The following UNC5D variants were observed in gnomAD, a reference collection of about 807,000 sequenced individuals.
The protein encoded by UNC5D is unc-5 netrin receptor D, also known as netrin receptor UNC5D.
A neutral mutation model predicts 105.4 loss-of-function variants in UNC5D; 39 were observed. The observed-to-expected ratio is 0.37, with a 90% CI of 0.29 to 0.48. The LOEUF (loss-of-function observed/expected upper bound fraction) is 0.48, where lower values mean the gene tolerates loss of function less well. UNC5D is among the 20% of genes least tolerant of loss of function. The probability of loss-of-function intolerance (pLI) is 0.98; values close to 1 mark genes in which losing one functional copy is unlikely to be tolerated. For missense variants in UNC5D, 991 were observed against 1,202.4 expected, an observed-to-expected ratio of 0.82 and a Z score of 2.60; for synonymous variants, 452 against 450.4, an observed-to-expected ratio of 1.00 and a Z score of -0.04.
intron 1 of UNC5D, among the ~76,000 whole-genome samples, chr8:35,394,498 T>C (rs1289932951): frequency 1.3e-5 from 2 of 152,080 alleles, no homozygotes; most frequent in Non-Finnish European, 2.9e-5. Flanking sequence ...TTAAAAATAA[T>C]GCTAGGATTG....
intron 4 of UNC5D, among the ~76,000 whole-genome samples, chr8:35,642,728 A>G (rs926830240): frequency 2.0e-5 from 3 of 152,148 alleles, no homozygotes; most frequent in Non-Finnish European, 4.4e-5. Context: ...CACATACTGC[A>G]AAGATTACTA....
At chr8:35,721,344 C>G (rs1177283773) in intron 8 of UNC5D, 2 of 693,438 alleles carry the variant, frequency 2.9e-6, no homozygotes, top group Non-Finnish European at 5.3e-6. Flanking sequence ...CAACGCACCT[C>G]TAGAAAAAAG....
At chr8:35,277,021 AT>A (rs1163756752) in intron 1 of UNC5D, among the ~76,000 whole-genome samples, 2 of 152,188 alleles carry the variant, frequency 1.3e-5, no homozygotes, top group African/African-American at 4.8e-5. Context: ...TTAATCACTA[AT>A]GTCTTTAGAT....
intron 1 of UNC5D, among the ~76,000 whole-genome samples, chr8:35,531,238 A>G (rs1586062610): frequency 1.0e-5 from 1 of 95,726 alleles, no homozygotes; most frequent in East Asian, 3.0e-4. Context: ...AGATTCTGGT[A>G]TGTTGTGTCT....
intron 1 of UNC5D, among the ~76,000 whole-genome samples, chr8:35,380,839 A>G (rs1428432595): frequency 1.3e-5 from 2 of 152,186 alleles, no homozygotes; most frequent in Non-Finnish European, 2.9e-5. Flanking sequence ...AGCATTTTTT[A>G]TGTCCACTTT....
At chr8:35,356,287 T>G (rs759465859) in intron 1 of UNC5D, among the ~76,000 whole-genome samples, 3 of 152,186 alleles carry the variant, frequency 2.0e-5, no homozygotes, top group Admixed American at 2.0e-4. Context: ...TAAACACTTA[T>G]GAGCTTACTC....
chr8:35,503,985 G>A (rs528823507), intron 1 of UNC5D, among the ~76,000 whole-genome samples: 13 of 152,258 alleles, frequency 8.5e-5, no homozygotes, highest in African/African-American at 3.1e-4. Flanking sequence ...TATCACTCAC[G>A]CTTTTAACCC....
chr8:35,243,217 G>A (rs139012121), intron 1 of UNC5D, among the ~76,000 whole-genome samples: 2 of 152,140 alleles, frequency 1.3e-5, no homozygotes, highest in Non-Finnish European at 2.9e-5. Context: ...GTATGAAGTG[G>A]AATTCCATGT....
chr8:35,334,765 C>T (rs547983778), intron 1 of UNC5D, among the ~76,000 whole-genome samples: 3 of 152,124 alleles, frequency 2.0e-5, no homozygotes, highest in Non-Finnish European at 4.4e-5. Flanking sequence ...GCACCCACCT[C>T]GGCCTCCCAA....
intron 1 of UNC5D, among the ~76,000 whole-genome samples, chr8:35,397,724 C>G (rs1460206649): frequency 6.6e-6 from 1 of 152,192 alleles, no homozygotes; most frequent in Non-Finnish European, 1.5e-5. Context: ...ATTCAAGCCA[C>G]TCTCGTTTGT....
chr8:35,473,779 A>G (rs1167979893), intron 1 of UNC5D, among the ~76,000 whole-genome samples: 1 of 152,194 alleles, frequency 6.6e-6, no homozygotes, highest in Admixed American at 6.5e-5. Context: ...GGGTGTGTGT[A>G]GATGTGTGTG....
chr8:35,515,833 GA>G (rs1454898484), intron 1 of UNC5D, among the ~76,000 whole-genome samples: 2 of 152,244 alleles, frequency 1.3e-5, no homozygotes, highest in East Asian at 3.9e-4. Flanking sequence ...GCTATCAAAA[GA>G]ATTTTTCTGA....
chr8:35,576,964 G>T (rs1302330949), intron 3 of UNC5D, among the ~76,000 whole-genome samples: 1 of 152,142 alleles, frequency 6.6e-6, no homozygotes, highest in Non-Finnish European at 1.5e-5. Flanking sequence ...CAGAAAAGTT[G>T]CAATATATAC....
At chr8:35,413,067 A>G (rs899775352) in intron 1 of UNC5D, among the ~76,000 whole-genome samples, 6 of 152,068 alleles carry the variant, frequency 3.9e-5, no homozygotes, top group Admixed American at 6.6e-5. Flanking sequence ...CAAATGCGCT[A>G]TGTAGTGGAT....
At chr8:35,790,215 C>A in intron 16 of UNC5D, 144 bp from the exon 17 acceptor site, 1 of 831,874 alleles carries the variant, frequency 1.2e-6, no homozygotes, top group Non-Finnish European at 1.9e-6. Flanking sequence ...ATTAGACTGC[C>A]CCAGACCTGC....
intron 1 of UNC5D, among the ~76,000 whole-genome samples, chr8:35,542,972 A>G (rs1049688251): frequency 6.6e-6 from 1 of 152,134 alleles, no homozygotes; most frequent in South Asian, 2.1e-4. Context: ...CATTTACTCT[A>G]TTTTTACATA....
chr8:35,718,382 C>A (rs946338865), intron 8 of UNC5D, among the ~76,000 whole-genome samples: 1 of 152,002 alleles, frequency 6.6e-6, no homozygotes, highest in Non-Finnish European at 1.5e-5. Flanking sequence ...CTTGAGAGAC[C>A]GGATAGGTAT....
chr8:35,772,618 G>C (rs146876934), intron 15 of UNC5D, among the ~76,000 whole-genome samples: 1 of 152,122 alleles, frequency 6.6e-6, no homozygotes, highest in Non-Finnish European at 1.5e-5. Flanking sequence ...GAGTTTAAAC[G>C]TTCTAACTAG....
At chr8:35,763,367 CA>C (rs1376132878) in intron 14 of UNC5D, among the ~76,000 whole-genome samples, 2 of 150,012 alleles carry the variant, frequency 1.3e-5, no homozygotes, top group African/African-American at 5.0e-5. Flanking sequence ...ATATTTCTTC[CA>C]GTGTTTTTAG....
Sources: gnomAD v4.1 joint callset for allele counts (sites outside exome capture counted in the v4.1 genomes callset) on GRCh38, gnomAD v4.1.1 for gene constraint, MANE v1.5 for transcripts, NCBI Gene and HGNC (gene_info 2026-07-23, HGNC 2026-07-21) for gene names.